The following RAB27A variants were observed in gnomAD, a reference collection of about 807,000 sequenced individuals.
RAB27A encodes the protein ras-related protein Rab-27A.
A neutral mutation model predicts 20.8 loss-of-function variants in RAB27A; 17 were observed. The ratio of observed to expected loss-of-function variants is 0.82; its 90% CI spans 0.56 to 1.23. The LOEUF is 1.23. Ranked by LOEUF, RAB27A falls within the 50% of genes most tolerant of loss-of-function variation. The probability of loss-of-function intolerance (pLI) is 0.00; values close to 1 mark genes in which losing one functional copy is unlikely to be tolerated. For missense variants in RAB27A, 277 were observed against 266.7 expected (o/e 1.04, Z -0.27); for synonymous variants, 85 against 92.8 (o/e 0.92, Z 0.48).
chr15:55,208,928 G>A (rs151312947), intron 6 of RAB27A, among the ~76,000 whole-genome samples: 4 of 152,334 alleles, frequency 2.6e-5, no homozygotes, highest in African/African-American at 9.6e-5. Context: ...TAGATATAGT[G>A]TGGTTCCCTC....
chr15:55,255,600 G>T (rs1182416055), intron 2 of RAB27A, among the ~76,000 whole-genome samples: 2 of 152,128 alleles, frequency 1.3e-5, no homozygotes, highest in African/African-American at 4.8e-5. Flanking sequence ...GACTCAAAAA[G>T]TGTTTGGGGA....
chr15:55,212,185 T>C (rs908003113), intron 6 of RAB27A, among the ~76,000 whole-genome samples: 1 of 152,152 alleles, frequency 6.6e-6, no homozygotes, highest in Non-Finnish European at 1.5e-5. Flanking sequence ...AGGTACACAA[T>C]ATTCCCATTT....
At chr15:55,302,803 GC>G (rs1287055034) in intron 2 of RAB27A, among the ~76,000 whole-genome samples, 1 of 138,926 alleles carries the variant, frequency 7.2e-6, no homozygotes, top group African/African-American at 2.8e-5. Context: ...CTGCCCGGCC[GC>G]CCCGTCTGAG....
chr15:55,227,824 G>A (rs1303795151), intron 5 of RAB27A, among the ~76,000 whole-genome samples: 3 of 152,168 alleles, frequency 2.0e-5, no homozygotes, highest in African/African-American at 7.2e-5. Context: ...AAACAGTAAT[G>A]TTTAAGTAGC....
At position 55,244,248 on chromosome 15, in the gene RAB27A, G is replaced by A. The variant is rs967716267; in HGVS notation, c.-22-9292C>T. On this transcript the variant is annotated intron_variant, in intron 2 of 6. Transcript: ENST00000336787. ...GAGAATCACTTGAACCTGGGAGGTG[G>A]AGGTTGCAGTGAGCAGAGATAGCAC... 5.9e-5 allele frequency among the ~76,000 whole-genome samples: 9 copies of A among 152,300 alleles called. No individual in the cohort carries two copies. The East Asian group carries it at 7.7e-4, about 13-fold the overall frequency.
chr15:55,267,197 T>C (rs1421809957), intron 2 of RAB27A, among the ~76,000 whole-genome samples: 1 of 152,314 alleles, frequency 6.6e-6, no homozygotes, highest in East Asian at 1.9e-4. Flanking sequence ...CATTGAGCTA[T>C]TTGCTGGATT....
At chr15:55,243,147 A>C (rs1758210320) in intron 2 of RAB27A, among the ~76,000 whole-genome samples, 1 of 152,188 alleles carries the variant, frequency 6.6e-6, no homozygotes, top group African/African-American at 2.4e-5. Context: ...CAAGGACAGA[A>C]GTCATAAATT....
chr15:55,310,058 A>G (rs972552163), intron 2 of RAB27A, among the ~76,000 whole-genome samples: 2 of 151,966 alleles, frequency 1.3e-5, no homozygotes, highest in Admixed American at 6.6e-5. Flanking sequence ...TCCTTCTCCT[A>G]TGTTCAGGTG....
At chr15:55,229,440 T>A (rs1895944756) in intron 4 of RAB27A, among the ~76,000 whole-genome samples, 1 of 151,906 alleles carries the variant, frequency 6.6e-6, no homozygotes, top group South Asian at 2.1e-4. Context: ...CTTTGGGAGG[T>A]CAAGGCAGGC....
At chr15:55,300,998 G>A (rs1595754996) in intron 2 of RAB27A, among the ~76,000 whole-genome samples, 1 of 152,186 alleles carries the variant, frequency 6.6e-6, no homozygotes, top group Non-Finnish European at 1.5e-5. Context: ...TGTGCACTGG[G>A]GAAAGAAAAA....
chr15:55,205,416 T>A lies in RAB27A; in HGVS notation c.*91A>T. On this transcript the variant is annotated 3_prime_UTR_variant, in exon 7 of 7. Transcript: ENST00000336787. The stretch of plus-strand genomic sequence containing the variant: ...ATGGTGAGAAGCAATTTGTACACAA[T>A]GCCCATTAATCTCTCACTGTGCCAT... 2 of 1,316,612 alleles carry A rather than the reference T, an allele frequency of 1.5e-6. No individual in the cohort carries two copies. Among genetic ancestry groups the A allele is most frequent in the Non-Finnish European group, 2.2e-6 (2 of 910,990 alleles). The allele number at this position is 1,316,612 out of a possible 1,614,324, so 81.6% of individuals were successfully genotyped here.
chr15:55,311,608 T>C lies in RAB27A; in HGVS notation c.-112+2431A>G, dbSNP rs145613901. Among the ~76,000 whole-genome samples the C allele has an allele frequency of 3.6e-3, 542 of 152,302 alleles. 2 individuals carry two copies. Among genetic ancestry groups the C allele is most frequent in the African/African-American group, 0.012 (517 of 41,560 alleles). On this transcript the variant is annotated intron_variant, in intron 2 of 5. Transcript: ENST00000563262. ...TCTTAATGAAAAGAAAGTTTGTACA[T>C]ATGGCACTTCACTCCTTATGCCTTC... is the stretch of plus-strand genomic sequence containing the variant.
intron 2 of RAB27A, among the ~76,000 whole-genome samples, chr15:55,301,574 T>C (rs2054972201): frequency 6.6e-6 from 1 of 152,130 alleles, no homozygotes; most frequent in African/African-American, 2.4e-5. Context: ...TTGGTGGTTT[T>C]TAATATATTC....
intron 6 of RAB27A, among the ~76,000 whole-genome samples, chr15:55,215,448 C>T (rs1038841950): frequency 6.7e-6 from 1 of 149,462 alleles, no homozygotes; most frequent in African/African-American, 2.5e-5. Flanking sequence ...GTCAGGAGAT[C>T]GAGACCATCC....
At chr15:55,232,243 CAG>C (rs1311823193) in intron 3 of RAB27A, among the ~76,000 whole-genome samples, 2 of 152,156 alleles carry the variant, frequency 1.3e-5, no homozygotes, top group Non-Finnish European at 2.9e-5. Context: ...GTTGACTGAG[CAG>C]AGACTTCAGT....
chr15:55,242,043 A>T (rs1178194694), intron 2 of RAB27A, among the ~76,000 whole-genome samples: 1 of 152,042 alleles, frequency 6.6e-6, no homozygotes, highest in African/African-American at 2.4e-5. Context: ...CAGATTTTCC[A>T]TGAAGTGTCA....
rs1278966823 is a variant in RAB27A at position 55,234,764 on chromosome 15, G to A, written c.153+18C>T. ...GACTTAACGATTACATTTTTACATA[G>A]AAGGATATAGAACTTACCACTCTTT... On this transcript the variant is annotated intron_variant, in intron 3 of 6. Coordinates refer to ENST00000336787, the MANE Select transcript of RAB27A (RefSeq NM_183235.3). 3 of 1,596,794 alleles carry A rather than the reference G, an allele frequency of 1.9e-6. No homozygotes were observed. The highest frequency in any genetic ancestry group is 4.5e-5 in the East Asian group (2 of 44,696).
chr15:55,212,825 A>C (rs1895094377), intron 6 of RAB27A, among the ~76,000 whole-genome samples: 1 of 152,172 alleles, frequency 6.6e-6, no homozygotes, highest in African/African-American at 2.4e-5. Context: ...CACCGCACCC[A>C]GCCCATCAAA....
intron 2 of RAB27A, among the ~76,000 whole-genome samples, chr15:55,311,649 G>A (rs905172740): frequency 1.4e-4 from 22 of 152,198 alleles, no homozygotes; most frequent in Non-Finnish European, 2.1e-4. Flanking sequence ...TACAAAAGAG[G>A]TGTAGCTGTA....
Sources: gnomAD v4.1 joint callset for allele counts (sites outside exome capture counted in the v4.1 genomes callset) on GRCh38, gnomAD v4.1.1 for gene constraint, MANE v1.5 for transcripts, NCBI Gene and HGNC (gene_info 2026-07-23, HGNC 2026-07-21) for gene names.